The following COL13A1 variants were observed in gnomAD, a reference collection of about 807,000 sequenced individuals.
The protein encoded by COL13A1 is collagen type XIII alpha 1 chain.
A neutral mutation model predicts 130.9 loss-of-function variants in COL13A1; 89 were observed. The ratio of observed to expected loss-of-function variants is 0.68; its 90% CI spans 0.57 to 0.81. COL13A1 has a LOEUF of 0.81. Among genes scored for constraint, COL13A1 ranks in the 30% least tolerant of loss-of-function variants. COL13A1 has a pLI of 0.00. For missense variants in COL13A1, 879 were observed against 934.6 expected (o/e 0.94, Z 0.78); for synonymous variants, 402 against 341.6 (o/e 1.18, Z -1.95).
chr10:69,948,618 A>T, intron 38 of COL13A1, among the ~76,000 whole-genome samples: 1 of 152,222 alleles, frequency 6.6e-6, no homozygotes, highest in East Asian at 1.9e-4. Flanking sequence ...CTTCATTGGC[A>T]TACTAACTTC....
intron 19 of COL13A1, 60 bp from the exon 20 acceptor site, chr10:69,919,002 C>T (rs1483293106): frequency 6.2e-7 from 1 of 1,608,408 alleles, no homozygotes. Context: ...CCAACAGGTG[C>T]CTTGCTCATT....
At chr10:69,873,366 G>T (rs1035188649) in intron 4 of COL13A1, among the ~76,000 whole-genome samples, 1 of 152,198 alleles carries the variant, frequency 6.6e-6, no homozygotes, top group African/African-American at 2.4e-5. Context: ...CCCAGTAAGA[G>T]CCCCAGCACA....
intron 17 of COL13A1, among the ~76,000 whole-genome samples, chr10:69,909,609 G>A (rs1346739369): frequency 6.6e-6 from 1 of 152,176 alleles, no homozygotes; most frequent in Non-Finnish European, 1.5e-5. Flanking sequence ...CAGAGGGCTG[G>A]CACTGGGAAC....
chr10:69,927,969 G>A (rs913521096), intron 27 of COL13A1, among the ~76,000 whole-genome samples: 1 of 152,230 alleles, frequency 6.6e-6, no homozygotes, highest in Admixed American at 6.5e-5. Flanking sequence ...AGACCAGCTT[G>A]GCCAACATGG....
intron 2 of COL13A1, among the ~76,000 whole-genome samples, chr10:69,864,899 T>C (rs1859379416): frequency 6.6e-6 from 1 of 152,208 alleles, no homozygotes. Context: ...ACAGCCCTGC[T>C]TGCGGGCTGC....
rs1564891921 is a variant in COL13A1, at chr10:69,867,749, C to CT, written c.365-49_365-48insT. On this transcript the variant is annotated intron_variant, in intron 2 of 40. Transcript: ENST00000645393. ...TGCTTCCAAGGCGGCCTCCCCACCG[C>CT]CCCCTACAGCAATGACACTGACCCA... is the stretch of plus-strand genomic sequence containing the variant. 3 of 716,872 alleles carry CT rather than the reference C, an allele frequency of 4.2e-6. No homozygotes were observed. In the South Asian group the frequency reaches 4.4e-5, roughly 11 times the overall value. The allele number at this position is 716,872 out of a possible 1,614,324, so 44.4% of individuals were successfully genotyped here. A position where few individuals can be genotyped will look rare whatever the true frequency, so the allele number is the denominator to read the frequency against.
intron 36 of COL13A1, among the ~76,000 whole-genome samples, chr10:69,944,694 G>GAA (rs374168169): frequency 2.7e-5 from 4 of 149,034 alleles, no homozygotes; most frequent in Admixed American, 2.0e-4. Context: ...AAGAAAGAAA[G>GAA]AAAGAAAAAG....
In COL13A1 at chr10:69,848,585, CACT is replaced by C. The variant is rs567855051; in HGVS notation, c.365-19209_365-19207del. On this transcript the variant is annotated intron_variant, in intron 2 of 40. Transcript: ENST00000645393. ...AAGATCACTCACCGTGTAAGAAAAACACTACTGAGTGAGAGCAAGAACAGCCAA... is the reference window on the plus strand; with the variant it reads ...AAGATCACTCACCGTGTAAGAAAAACACTGAGTGAGAGCAAGAACAGCCAA... 1.4e-3 allele frequency among the ~76,000 whole-genome samples: 218 copies of C among 152,318 alleles called. 3 individuals carry two copies. Among genetic ancestry groups the C allele is most frequent in the African/African-American group, 5.1e-3 (211 of 41,574 alleles).
chr10:69,836,353 C>T (rs1317166426), intron 2 of COL13A1, among the ~76,000 whole-genome samples: 1 of 152,192 alleles, frequency 6.6e-6, no homozygotes, highest in Non-Finnish European at 1.5e-5. Context: ...AAGGCAGGGA[C>T]ACAGGTCTAG....
chr10:69,810,346 A>G (rs1210304402), intron 1 of COL13A1, among the ~76,000 whole-genome samples: 5 of 71,212 alleles, frequency 7.0e-5, no homozygotes, highest in African/African-American at 1.9e-4. Flanking sequence ...GGCCCTGAGA[A>G]TGAGAGAGAG....
chr10:69,870,494 T>TC (rs1307683780), intron 3 of COL13A1, among the ~76,000 whole-genome samples: 1 of 150,168 alleles, frequency 6.7e-6, no homozygotes, highest in African/African-American at 2.4e-5. Context: ...TTTAATTTTT[T>TC]TTTTTTTTTA....
In COL13A1 at chr10:69,880,539, C is replaced by A; in HGVS notation, c.499C>A (p.Pro167Thr). The A allele has an allele frequency of 6.2e-7, 1 of 1,613,402 alleles. No individual in the cohort carries two copies. Among genetic ancestry groups the A allele is most frequent in the Non-Finnish European group, 8.5e-7 (1 of 1,179,710 alleles). ...PGDAGLSIIG[P>T]RGPPGQPGTR... ...AGACGCTGGGCTGTCCATCATTGGT[C>A]CCCGCGGCCCCCCTGTAAGTTGTTT... The change falls in exon 7 of 41, where the codon CCC becomes ACC. Residue 167 changes from proline (P) to threonine (T), a missense_variant. Around this residue, in one of 3 missense-constraint regions of COL13A1, gnomAD observed 715 missense variants for 721.0 expected, o/e 0.99. Coordinates refer to ENST00000645393, the MANE Select transcript of COL13A1 (RefSeq NM_001368882.1).
chr10:69,856,492 T>TAAA (rs1329993494), intron 2 of COL13A1, among the ~76,000 whole-genome samples: 1 of 152,206 alleles, frequency 6.6e-6, no homozygotes, highest in Non-Finnish European at 1.5e-5. Flanking sequence ...GTGCCCATCA[T>TAAA]AAATCTTACA....
intron 2 of COL13A1, among the ~76,000 whole-genome samples, chr10:69,830,358 T>C (rs1371130278): frequency 1.3e-5 from 2 of 152,256 alleles, no homozygotes; most frequent in Non-Finnish European, 2.9e-5. Context: ...AGAGATATGT[T>C]GTGCAGTATT....
intron 2 of COL13A1, among the ~76,000 whole-genome samples, chr10:69,865,696 T>G (rs1261870615): frequency 1.3e-5 from 2 of 152,140 alleles, no homozygotes; most frequent in Non-Finnish European, 2.9e-5. Flanking sequence ...CAAATTCCCT[T>G]GCATAAGACA....
At chr10:69,866,960 C>T (rs868421940) in intron 2 of COL13A1, among the ~76,000 whole-genome samples, 20 of 152,224 alleles carry the variant, frequency 1.3e-4, no homozygotes, top group Middle Eastern at 3.4e-3. Context: ...GGTGGGGTTT[C>T]GTGGCTCATG....
chr10:69,893,932 T>C (rs1468609613), intron 10 of COL13A1, among the ~76,000 whole-genome samples: 1 of 152,246 alleles, frequency 6.6e-6, no homozygotes. Flanking sequence ...TGCGGGGCCC[T>C]CCCCAGACAG....
Position 69,802,365 on chromosome 10 carries a change from GC to G in COL13A1, c.-58del. ...GCAGTTTGGATAGAGCCTTTTGGCA[GC>G]GGCTGTCGCCTTTATTTATTCTATT... On this transcript the variant is annotated 5_prime_UTR_variant, in exon 1 of 41. Coordinates refer to ENST00000645393, the MANE Select transcript of COL13A1 (RefSeq NM_001368882.1). 1 of 1,390,356 alleles carries G rather than the reference GC, an allele frequency of 7.2e-7. No homozygotes were observed. The highest frequency in any genetic ancestry group is 9.3e-7 in the Non-Finnish European group (1 of 1,076,400). 86.1% of individuals were successfully genotyped at this position (1,390,356 alleles called of 1,614,324 possible). A position where few individuals can be genotyped will look rare whatever the true frequency, so the allele number is the denominator to read the frequency against.
chr10:69,862,938 C>T (rs1034911358), intron 2 of COL13A1, among the ~76,000 whole-genome samples: 1 of 152,134 alleles, frequency 6.6e-6, no homozygotes, highest in Non-Finnish European at 1.5e-5. Context: ...TACTATTTGT[C>T]CGAATGAGGT....
Sources: allele counts gnomAD v4.1 joint callset (sites outside exome capture counted in the v4.1 genomes callset), GRCh38; gene constraint gnomAD v4.1.1; regional missense constraint gnomAD v4.1.1; transcripts MANE v1.5; gene names NCBI Gene and HGNC (gene_info 2026-07-23, HGNC 2026-07-21).